The following CCBE1 variants were observed in gnomAD, a reference collection of about 807,000 sequenced individuals.
The protein encoded by CCBE1 is collagen and calcium-binding EGF domain-containing protein 1.
CCBE1 carries 37 observed loss-of-function variants against 50.0 expected under a neutral mutation model. The observed-to-expected ratio is 0.74, with a 90% CI of 0.57 to 0.97. The LOEUF is 0.97. CCBE1 is among the 50% of genes least tolerant of loss of function. The probability of loss-of-function intolerance (pLI) is 0.00; values close to 1 mark genes in which losing one functional copy is unlikely to be tolerated. For missense variants in CCBE1, 538 were observed against 523.8 expected (o/e 1.03, Z -0.26); for synonymous variants, 234 against 203.7 (o/e 1.15, Z -1.27).
intron 2 of CCBE1, among the ~76,000 whole-genome samples, chr18:59,666,916 G>T (rs1457914312): frequency 6.6e-6 from 1 of 152,212 alleles, no homozygotes; most frequent in Non-Finnish European, 1.5e-5. Context: ...AGTGAGCAAA[G>T]ATCGTGCCAC....
intron 2 of CCBE1, among the ~76,000 whole-genome samples, chr18:59,556,640 G>C (rs1023542793): frequency 6.6e-6 from 1 of 152,130 alleles, no homozygotes; most frequent in Non-Finnish European, 1.5e-5. Context: ...TCTGCTCAGA[G>C]AACCAGGTAT....
intron 2 of CCBE1, among the ~76,000 whole-genome samples, chr18:59,683,511 C>T (rs1243524040): frequency 6.6e-6 from 1 of 152,004 alleles, no homozygotes; most frequent in African/African-American, 2.4e-5. Flanking sequence ...GCCTGGCCAA[C>T]ATGGCAAAAC....
intron 2 of CCBE1, among the ~76,000 whole-genome samples, chr18:59,505,300 G>A (rs1913819853): frequency 6.6e-6 from 1 of 152,138 alleles, no homozygotes; most frequent in Non-Finnish European, 1.5e-5. Context: ...GAAACCAAGA[G>A]ATACCCCAGC....
At chr18:59,474,181 A>C (rs999631081) in intron 3 of CCBE1, among the ~76,000 whole-genome samples, 2 of 152,226 alleles carry the variant, frequency 1.3e-5, no homozygotes, top group Admixed American at 6.5e-5. Flanking sequence ...TATTGTGAAT[A>C]GCACGGTGAT....
At chr18:59,457,562 G>A (rs979624559) in intron 5 of CCBE1, among the ~76,000 whole-genome samples, 1 of 152,084 alleles carries the variant, frequency 6.6e-6, no homozygotes, top group Non-Finnish European at 1.5e-5. Flanking sequence ...GATGGGAGGC[G>A]ATGCCCAGCA....
At chr18:59,632,536 A>T (rs1399017285) in intron 2 of CCBE1, among the ~76,000 whole-genome samples, 1 of 150,998 alleles carries the variant, frequency 6.6e-6, no homozygotes, top group Non-Finnish European at 1.5e-5. Flanking sequence ...GGCCTCCCAA[A>T]GTGCTGGAAT....
At chr18:59,515,925 CT>C (rs1264420336) in intron 2 of CCBE1, among the ~76,000 whole-genome samples, 3 of 152,160 alleles carry the variant, frequency 2.0e-5, no homozygotes, top group African/African-American at 7.2e-5. Flanking sequence ...AAGAACTGTG[CT>C]TGCCCTATTT....
At chr18:59,537,814 T>A (rs1215753544) in intron 2 of CCBE1, among the ~76,000 whole-genome samples, 2 of 152,166 alleles carry the variant, frequency 1.3e-5, no homozygotes, top group Non-Finnish European at 2.9e-5. Context: ...CTCAATAGAA[T>A]CTGGTTCACA....
chr18:59,619,080 A>G lies in CCBE1; in HGVS notation c.212+77549T>C, dbSNP rs559381048. On this transcript the variant is annotated intron_variant, in intron 2 of 10. Coordinates refer to ENST00000439986, the MANE Select transcript of CCBE1 (RefSeq NM_133459.4). Reference sequence around the variant, plus strand: ...AAGGAAAATAGAAAGTAACCTGAAGATGTGAATATGTATTTAGCCTCAAAG... The same window carrying G: ...AAGGAAAATAGAAAGTAACCTGAAGGTGTGAATATGTATTTAGCCTCAAAG... Among the ~76,000 whole-genome samples the G allele has an allele frequency of 1.3e-4, 20 of 152,370 alleles. No homozygotes were observed. In the East Asian group the frequency reaches 3.7e-3, roughly 28 times the overall value.
intron 2 of CCBE1, among the ~76,000 whole-genome samples, chr18:59,646,592 A>G (rs992834893): frequency 2.3e-4 from 35 of 152,300 alleles, no homozygotes; most frequent in Middle Eastern, 3.4e-3. Flanking sequence ...TGCGAGATTA[A>G]ACACAGAATT....
intron 10 of CCBE1, among the ~76,000 whole-genome samples, chr18:59,436,514 C>T (rs930154217): frequency 7.2e-5 from 11 of 152,168 alleles, no homozygotes; most frequent in African/African-American, 1.7e-4. Context: ...TCATCTCTGC[C>T]GCTTACTAGC....
chr18:59,626,046 T>C (rs1399623308), intron 2 of CCBE1, among the ~76,000 whole-genome samples: 2 of 152,128 alleles, frequency 1.3e-5, no homozygotes, highest in Admixed American at 1.3e-4. Context: ...ACTAAGACAG[T>C]AACATAAGAA....
intron 2 of CCBE1, among the ~76,000 whole-genome samples, chr18:59,641,319 C>T (rs2144646057): frequency 6.6e-6 from 1 of 152,180 alleles, no homozygotes; most frequent in South Asian, 2.1e-4. Context: ...AGGGATGGAG[C>T]TAAAAGCAAA....
intron 2 of CCBE1, among the ~76,000 whole-genome samples, chr18:59,483,481 G>A (rs1361553720): frequency 6.6e-6 from 1 of 152,138 alleles, no homozygotes; most frequent in Non-Finnish European, 1.5e-5. Context: ...TTGGATTAGG[G>A]ATGCTCAACC....
chr18:59,529,592 G>C (rs969145065), intron 2 of CCBE1, among the ~76,000 whole-genome samples: 1 of 152,318 alleles, frequency 6.6e-6, no homozygotes, highest in South Asian at 2.1e-4. Context: ...CCCTTGGCTG[G>C]GGGTGGGGTG....
intron 2 of CCBE1, among the ~76,000 whole-genome samples, chr18:59,639,958 A>G (rs1419098302): frequency 6.6e-6 from 1 of 152,194 alleles, no homozygotes. Flanking sequence ...ATCTCTACAG[A>G]AAGAATTACA....
At chr18:59,629,436 C>T (rs2053825467) in intron 2 of CCBE1, among the ~76,000 whole-genome samples, 1 of 152,168 alleles carries the variant, frequency 6.6e-6, no homozygotes, top group Non-Finnish European at 1.5e-5. Flanking sequence ...TAGTATTGTT[C>T]AACTGAGTGT....
chr18:59,690,727 C>A (rs910422998), intron 2 of CCBE1, among the ~76,000 whole-genome samples: 1 of 152,192 alleles, frequency 6.6e-6, no homozygotes, highest in Non-Finnish European at 1.5e-5. Flanking sequence ...CCAATTACTC[C>A]GTATTGTTTC....
rs568468883 is a variant in CCBE1 at position 59,527,061 on chromosome 18, T to A, written c.213-46823A>T. Among the ~76,000 whole-genome samples, 5 of 152,328 alleles carry A rather than the reference T, an allele frequency of 3.3e-5. No homozygotes were observed. In the South Asian group the frequency reaches 1.0e-3, roughly 32 times the overall value. On this transcript the variant is annotated intron_variant, in intron 2 of 10. Transcript: ENST00000439986. ...GAGCTGAGTTCAAGTCCAGAATCTT[T>A]GTTAATTTTCTCTCGATGATCTAAT... is the stretch of plus-strand genomic sequence containing the variant.
Sources: allele counts gnomAD v4.1 joint callset (sites outside exome capture counted in the v4.1 genomes callset), GRCh38; gene constraint gnomAD v4.1.1; transcripts MANE v1.5; gene names NCBI Gene and HGNC (gene_info 2026-07-23, HGNC 2026-07-21).